The following MSRA variants were observed in gnomAD, a reference collection of about 807,000 sequenced individuals.
MSRA encodes the protein methionine sulfoxide reductase A.
A neutral mutation model predicts 31.3 loss-of-function variants in MSRA; 54 were observed. The ratio of observed to expected loss-of-function variants is 1.73; its 90% confidence interval spans 1.39 to 2.17. The LOEUF (loss-of-function observed/expected upper bound fraction) is 2.17, where lower values mean the gene tolerates loss of function less well. Ranked by LOEUF, MSRA falls within the 30% of genes most tolerant of loss-of-function variation. MSRA has a pLI of 0.00. For missense variants in MSRA, 507 were observed against 300.9 expected (o/e 1.69, Z -5.07); for synonymous variants, 169 against 116.5 (o/e 1.45, Z -2.90).
intron 1 of MSRA, among the ~76,000 whole-genome samples, chr8:10,135,693 G>A (rs1386158232): frequency 6.6e-6 from 1 of 152,162 alleles, no homozygotes; most frequent in Non-Finnish European, 1.5e-5. Flanking sequence ...TACTTAGGTT[G>A]ACCCATATGA....
chr8:10,283,836 T>TATATACACACACACACACACACACACAC (rs1261287031), intron 3 of MSRA, among the ~76,000 whole-genome samples: 1 of 53,162 alleles, frequency 1.9e-5, no homozygotes, highest in Non-Finnish European at 3.2e-5. Flanking sequence ...TATATATATA[T>TATATACACACACACACACACACACACAC]ACACACACAC....
intron 5 of MSRA, chr8:10,337,668 G>T (rs1462666169): frequency 1.4e-6 from 1 of 697,142 alleles, no homozygotes; most frequent in African/African-American, 1.7e-5. Flanking sequence ...TCCGGTGAAT[G>T]ATTTTTCATC....
intron 2 of MSRA, among the ~76,000 whole-genome samples, chr8:10,215,364 C>T (rs938371824): frequency 6.6e-6 from 1 of 152,184 alleles, no homozygotes; most frequent in Non-Finnish European, 1.5e-5. Context: ...AAACTGTTTG[C>T]CACCTAGGAC....
intron 1 of MSRA, among the ~76,000 whole-genome samples, chr8:10,190,921 G>A (rs1317368565): frequency 2.1e-5 from 3 of 144,592 alleles, no homozygotes; most frequent in Non-Finnish European, 4.7e-5. Flanking sequence ...AGAGTGTAGT[G>A]AGACTAAGTT....
At chr8:10,156,879 A>G (rs1003391250) in intron 1 of MSRA, among the ~76,000 whole-genome samples, 1 of 150,562 alleles carries the variant, frequency 6.6e-6, no homozygotes. Flanking sequence ...TATAATCAAA[A>G]TAGACTTTCC....
intron 5 of MSRA, among the ~76,000 whole-genome samples, chr8:10,348,846 G>A (rs1030156921): frequency 1.3e-5 from 2 of 152,168 alleles, no homozygotes; most frequent in African/African-American, 2.4e-5. Context: ...GCTTGGGGGG[G>A]ACAAGGCACA....
chr8:10,157,154 G>A (rs543049085), intron 1 of MSRA, among the ~76,000 whole-genome samples: 1 of 152,080 alleles, frequency 6.6e-6, no homozygotes, highest in South Asian at 2.1e-4. Flanking sequence ...CTACCTGTAT[G>A]CCTGGAAATA....
intron 1 of MSRA, among the ~76,000 whole-genome samples, chr8:10,111,647 A>G (rs1800292440): frequency 6.6e-6 from 1 of 152,254 alleles, no homozygotes; most frequent in African/African-American, 2.4e-5. Flanking sequence ...ATCTTTCAGA[A>G]AATAGAAGGA....
At chr8:10,143,459 G>A (rs560439442) in intron 1 of MSRA, among the ~76,000 whole-genome samples, 6 of 152,150 alleles carry the variant, frequency 3.9e-5, no homozygotes, top group Admixed American at 1.3e-4. Context: ...GTGTCGCAGC[G>A]ATTGTTAATC....
At chr8:10,376,095 AT>A (rs1163807557) in intron 5 of MSRA, among the ~76,000 whole-genome samples, 1 of 151,838 alleles carries the variant, frequency 6.6e-6, no homozygotes, top group Non-Finnish European at 1.5e-5. Flanking sequence ...CTCTTAGCAA[AT>A]TCCCTTTCTG....
chr8:10,192,063 C>T lies in MSRA; in HGVS notation c.143-15770C>T, dbSNP rs146567169. 1.2e-3 allele frequency among the ~76,000 whole-genome samples: 190 copies of T among 152,212 alleles called. 1 individual carries two copies. Among genetic ancestry groups the T allele is most frequent in the African/African-American group, 4.2e-3 (176 of 41,534 alleles). ...AAGCCTCCGTTTCCTGCCACATGGG[C>T]CTCTTCATAGGGCTGCCTTACGATA... On this transcript the variant is annotated intron_variant, in intron 1 of 5. Coordinates refer to ENST00000317173, the MANE Select transcript of MSRA (RefSeq NM_012331.5).
At chr8:10,264,298 C>T (rs1025330930) in intron 3 of MSRA, among the ~76,000 whole-genome samples, 1 of 152,204 alleles carries the variant, frequency 6.6e-6, no homozygotes, top group Non-Finnish European at 1.5e-5. Flanking sequence ...TAGCATTTAA[C>T]CTCCTATACT....
At chr8:10,212,916 A>T (rs1196567134) in intron 2 of MSRA, among the ~76,000 whole-genome samples, 2 of 152,206 alleles carry the variant, frequency 1.3e-5, no homozygotes, top group Admixed American at 6.5e-5. Flanking sequence ...TTGTGGGTAC[A>T]TAGTAGGTAT....
At chr8:10,230,113 G>A (rs902005265) in intron 2 of MSRA, among the ~76,000 whole-genome samples, 2 of 152,222 alleles carry the variant, frequency 1.3e-5, no homozygotes, top group Non-Finnish European at 2.9e-5. Flanking sequence ...AATGCATGCT[G>A]TGCTATGTGA....
At chr8:10,132,840 A>T (rs977592774) in intron 1 of MSRA, among the ~76,000 whole-genome samples, 1 of 152,246 alleles carries the variant, frequency 6.6e-6, no homozygotes, top group Non-Finnish European at 1.5e-5. Context: ...CAGAGTAGGT[A>T]CACAAAGGTA....
intron 1 of MSRA, among the ~76,000 whole-genome samples, chr8:10,151,507 G>A (rs1190523424): frequency 6.6e-6 from 1 of 151,996 alleles, no homozygotes; most frequent in African/African-American, 2.4e-5. Context: ...AAAATTAGCC[G>A]GGCGTGTTGG....
intron 5 of MSRA, among the ~76,000 whole-genome samples, chr8:10,406,913 C>T (rs1356755670): frequency 6.6e-6 from 1 of 152,224 alleles, no homozygotes; most frequent in African/African-American, 2.4e-5. Context: ...AGTGCAGTGG[C>T]ATGATCTCAG....
chr8:10,291,183 G>T (rs1326565690), intron 3 of MSRA, among the ~76,000 whole-genome samples: 1 of 152,140 alleles, frequency 6.6e-6, no homozygotes, highest in African/African-American at 2.4e-5. Flanking sequence ...TCTTGATCCA[G>T]TACTGAGCTG....
chr8:10,086,623 G>T (rs182273978), intron 1 of MSRA, among the ~76,000 whole-genome samples: 1 of 152,188 alleles, frequency 6.6e-6, no homozygotes, highest in South Asian at 2.1e-4. Context: ...ATGAGTTAAA[G>T]AGTGCAAAGT....
Sources: allele counts gnomAD v4.1 joint callset (sites outside exome capture counted in the v4.1 genomes callset), GRCh38; gene constraint gnomAD v4.1.1; transcripts MANE v1.5; gene names NCBI Gene and HGNC (gene_info 2026-07-23, HGNC 2026-07-21).